LIN52: variants seen among roughly 807,000 people sequenced by gnomAD.
LIN52 encodes protein lin-52 homolog.
LIN52 carries 4 observed loss-of-function variants against 18.5 expected under a neutral mutation model. That is an observed-to-expected ratio of 0.22 (90% CI 0.11 to 0.49). The LOEUF is 0.49. Among genes scored for constraint, LIN52 ranks in the 20% least tolerant of loss-of-function variants. LIN52 has a pLI of 0.97. For missense variants in LIN52, 102 were observed against 139.5 expected (o/e 0.73, Z 1.35); for synonymous variants, 34 against 45.5 (o/e 0.75, Z 1.02).
At position 74,179,700 on chromosome 14, in the gene LIN52, G is replaced by A. The variant is rs117933475; in HGVS notation, c.284-19222G>A. 1.3e-4 allele frequency among the ~76,000 whole-genome samples: 20 copies of A among 150,520 alleles called. No individual in the cohort carries two copies. In the East Asian group the frequency reaches 3.5e-3, roughly 26 times the overall value. ...AAAAGAAAAAAAAATCTAATTCTTC[G>A]GCTAAATGTTCTCATTTTTCCTTCT... On this transcript the variant is annotated intron_variant, in intron 5 of 5. Transcript: ENST00000555028.
chr14:74,190,890 A>C (rs1416341623), intron 5 of LIN52, among the ~76,000 whole-genome samples: 1 of 152,224 alleles, frequency 6.6e-6, no homozygotes, highest in East Asian at 1.9e-4. Flanking sequence ...AATGGGATGA[A>C]GCTCCAAAAG....
At chr14:74,163,877 C>T (rs2061236827) in intron 5 of LIN52, among the ~76,000 whole-genome samples, 1 of 152,114 alleles carries the variant, frequency 6.6e-6, no homozygotes, top group South Asian at 2.1e-4. Flanking sequence ...ATATCACCTG[C>T]TTTATTCTCT....
At chr14:74,191,857 G>A (rs2078878995) in intron 5 of LIN52, among the ~76,000 whole-genome samples, 1 of 152,028 alleles carries the variant, frequency 6.6e-6, no homozygotes, top group Admixed American at 6.6e-5. Context: ...GGATGGTCAC[G>A]ATCTCCTGAC....
At chr14:74,145,401 G>A (rs2061149253) in intron 5 of LIN52, among the ~76,000 whole-genome samples, 1 of 152,152 alleles carries the variant, frequency 6.6e-6, no homozygotes, top group Admixed American at 6.5e-5. Context: ...TAATCTTAAA[G>A]TTATACACTG....
rs17096314 is a variant in LIN52, at chr14:74,101,249, C to T, written c.283+11C>T. 0.08 allele frequency: 127,329 copies of T among 1,589,978 alleles called. 7,623 individuals are homozygous for T. Among genetic ancestry groups the T allele is most frequent in the South Asian group, 0.25 (22,099 of 86,828 alleles). On this transcript the variant is annotated intron_variant, in intron 5 of 5. Transcript: ENST00000555028. ...TGGGGCTGGATGAGTGTGAGTACCCCGATCGCATTTGTTCAGGGGTGTATT... is the reference window on the plus strand; with the variant it reads ...TGGGGCTGGATGAGTGTGAGTACCCTGATCGCATTTGTTCAGGGGTGTATT...
intron 5 of LIN52, among the ~76,000 whole-genome samples, chr14:74,165,513 C>CTTTCTTTTTTTTTT (rs2061244827): frequency 9.1e-6 from 1 of 110,262 alleles, no homozygotes; most frequent in African/African-American, 3.8e-5. Context: ...GTTTTCTTTT[C>CTTTCTTTTTTTTTT]TTTTTTTTTT....
In LIN52 at chr14:74,153,408, CT is replaced by C. The variant is rs200023982; in HGVS notation, c.284-45513del. 1.8e-3 allele frequency among the ~76,000 whole-genome samples: 281 copies of C among 152,166 alleles called. 7 individuals carry two copies. The East Asian group carries it at 0.049, about 27-fold the overall frequency. ...TATCTTCTAGAGAATACATTTAAAA[CT>C]GGTAACTAAATATGCTGATAACTAA... On this transcript the variant is annotated intron_variant, in intron 5 of 5. Coordinates refer to ENST00000555028, the MANE Select transcript of LIN52 (RefSeq NM_001024674.3).
chr14:74,121,165 A>G (rs1187765683), intron 5 of LIN52, among the ~76,000 whole-genome samples: 1 of 152,252 alleles, frequency 6.6e-6, no homozygotes, highest in Non-Finnish European at 1.5e-5. Flanking sequence ...AAATTCTATC[A>G]GCAGAGCATT....
intron 5 of LIN52, among the ~76,000 whole-genome samples, chr14:74,127,571 T>C (rs1050099393): frequency 4.6e-5 from 7 of 152,108 alleles, no homozygotes; most frequent in Non-Finnish European, 8.8e-5. Context: ...AATATTCAGT[T>C]TCTGATCATG....
At chr14:74,091,180 A>C in intron 1 of LIN52, 52 bp from the exon 2 acceptor site, 1 of 1,293,492 alleles carries the variant, frequency 7.7e-7, no homozygotes, top group Non-Finnish European at 1.1e-6. Context: ...GAAGTATCAT[A>C]TACATTAATG....
At chr14:74,179,033 C>G (rs2061305193) in intron 5 of LIN52, among the ~76,000 whole-genome samples, 3 of 151,974 alleles carry the variant, frequency 2.0e-5, no homozygotes, top group Non-Finnish European at 4.4e-5. Flanking sequence ...GAGCTATGAT[C>G]ACGCCACTAC....
chr14:74,132,681 G>T (rs1394862154), intron 5 of LIN52, among the ~76,000 whole-genome samples: 4 of 152,086 alleles, frequency 2.6e-5, no homozygotes, highest in African/African-American at 4.8e-5. Flanking sequence ...GCTAATTTTT[G>T]TATTTTTAGT....
At chr14:74,134,197 G>GAA (rs1331280210) in intron 5 of LIN52, among the ~76,000 whole-genome samples, 8 of 152,198 alleles carry the variant, frequency 5.3e-5, no homozygotes, top group Non-Finnish European at 1.2e-4. Flanking sequence ...TCGGAGTGGA[G>GAA]AGAGAGTGTG....
chr14:74,196,059 G>A (rs1181658455), intron 5 of LIN52, among the ~76,000 whole-genome samples: 1 of 152,146 alleles, frequency 6.6e-6, no homozygotes, highest in African/African-American at 2.4e-5. Context: ...TCCTGTATGG[G>A]ACTGGCGAGT....
At position 74,201,343 on chromosome 14, in the gene LIN52, A is replaced by G. The variant is rs567316176; in HGVS notation, c.*2366A>G. ...AATCTACTGTTTTCCCCCTTAATAT[A>G]CTTAATGGATAGTTGGGGGCTTTAC... On this transcript the variant is annotated 3_prime_UTR_variant, in exon 6 of 6. Coordinates refer to ENST00000555028, the MANE Select transcript of LIN52 (RefSeq NM_001024674.3). The G allele has an allele frequency of 1.3e-5, 2 of 152,074 alleles. No individual in the cohort carries two copies. The highest frequency in any genetic ancestry group is 4.8e-5 in the African/African-American group (2 of 41,418). 9.4% of individuals were successfully genotyped at this position (152,074 alleles called of 1,614,324 possible). A position where few individuals can be genotyped will look rare whatever the true frequency, so the allele number is the denominator to read the frequency against.
intron 5 of LIN52, among the ~76,000 whole-genome samples, chr14:74,189,211 A>G (rs1186881190): frequency 4.6e-5 from 7 of 152,168 alleles, no homozygotes; most frequent in Non-Finnish European, 1.0e-4. Flanking sequence ...TTCTTACTTT[A>G]TGGATGAGGA....
intron 5 of LIN52, among the ~76,000 whole-genome samples, chr14:74,173,201 T>A (rs1306098845): frequency 6.6e-6 from 1 of 152,186 alleles, no homozygotes; most frequent in African/African-American, 2.4e-5. Flanking sequence ...TTGTTTTGTT[T>A]TTTGAGACAG....
chr14:74,153,937 T>C (rs1409200556), intron 5 of LIN52, among the ~76,000 whole-genome samples: 1 of 152,218 alleles, frequency 6.6e-6, no homozygotes. Flanking sequence ...AAATTGTCAC[T>C]AGTTGTTTTT....
intron 5 of LIN52, among the ~76,000 whole-genome samples, chr14:74,194,665 T>C (rs1212051372): frequency 6.6e-6 from 1 of 152,202 alleles, no homozygotes; most frequent in East Asian, 1.9e-4. Flanking sequence ...TCTCAATTTG[T>C]GATCTATGTA....
Sources: allele counts gnomAD v4.1 joint callset (sites outside exome capture counted in the v4.1 genomes callset), GRCh38; gene constraint gnomAD v4.1.1; transcripts MANE v1.5; gene names NCBI Gene and HGNC (gene_info 2026-07-23, HGNC 2026-07-21).